Variants in ANK3 observed in about 807,000 individuals in gnomAD.
The protein encoded by ANK3 is ankyrin-3.
ANK3 carries 57 observed loss-of-function variants against 370.9 expected under a neutral mutation model. The ratio of observed to expected loss-of-function variants is 0.15; its 90% confidence interval spans 0.12 to 0.19. ANK3 has a LOEUF of 0.19. Among genes scored for constraint, ANK3 ranks in the 10% least tolerant of loss-of-function variants. ANK3 has a pLI of 1.00. For synonymous variants in ANK3, 1,929 were observed against 1,946.3 expected, an observed-to-expected ratio of 0.99 and a Z score of 0.23; for missense variants, 4,439 against 5,302.1, an observed-to-expected ratio of 0.84 and a Z score of 5.06.
intron 21 of ANK3, among the ~76,000 whole-genome samples, chr10:60,168,202 T>C (rs536323839): frequency 6.6e-6 from 1 of 152,236 alleles, no homozygotes; most frequent in African/African-American, 2.4e-5. Context: ...ATTTTTGTAT[T>C]TTTAGTAGAG....
intron 2 of ANK3, among the ~76,000 whole-genome samples, chr10:60,508,949 T>C (rs1595171654): frequency 6.6e-6 from 1 of 152,178 alleles, no homozygotes; most frequent in Non-Finnish European, 1.5e-5. Context: ...CTTAAGATCT[T>C]GAGGATGTTT....
intron 1 of ANK3, among the ~76,000 whole-genome samples, chr10:60,336,676 C>A (rs2053032891): frequency 1.3e-5 from 2 of 152,026 alleles, no homozygotes; most frequent in South Asian, 4.1e-4. Flanking sequence ...CAGTGGTTTA[C>A]TAAAAAAAGA....
intron 2 of ANK3, among the ~76,000 whole-genome samples, chr10:60,577,530 C>T (rs369609981): frequency 2.2e-4 from 33 of 152,120 alleles, no homozygotes; most frequent in African/African-American, 7.2e-4. Context: ...GTTTTATAAA[C>T]GGGAGTTTCC....
intron 2 of ANK3, among the ~76,000 whole-genome samples, chr10:60,566,544 C>G (rs993099955): frequency 1.3e-5 from 2 of 152,148 alleles, no homozygotes; most frequent in Non-Finnish European, 1.5e-5. Context: ...CTTATTGCTG[C>G]TAGGGAGAAG....
At chr10:60,205,110 T>G (rs2096741508) in intron 11 of ANK3, among the ~76,000 whole-genome samples, 1 of 152,158 alleles carries the variant, frequency 6.6e-6, no homozygotes, top group Non-Finnish European at 1.5e-5. Context: ...CAGGCTTGGT[T>G]TGCTTTGTAG....
At chr10:60,161,319 T>A (rs1413240629) in intron 23 of ANK3, among the ~76,000 whole-genome samples, 3 of 151,854 alleles carry the variant, frequency 2.0e-5, no homozygotes, top group Non-Finnish European at 4.4e-5. Context: ...TAGAGAAGAG[T>A]ATGGAGGTTC....
intron 2 of ANK3, among the ~76,000 whole-genome samples, chr10:60,486,451 G>A (rs768464866): frequency 7.2e-5 from 11 of 152,252 alleles, no homozygotes; most frequent in East Asian, 1.9e-4. Context: ...TGTGGTGTGC[G>A]CACCTGTAGT....
intron 7 of ANK3, among the ~76,000 whole-genome samples, chr10:60,247,261 C>A (rs2097570329): frequency 1.3e-5 from 2 of 152,132 alleles, no homozygotes; most frequent in Admixed American, 6.5e-5. Context: ...TTGTGATACA[C>A]CCACTTTGGC....
chr10:60,481,330 G>A (rs891408920), intron 2 of ANK3, among the ~76,000 whole-genome samples: 1 of 152,146 alleles, frequency 6.6e-6, no homozygotes, highest in African/African-American at 2.4e-5. Flanking sequence ...TTTTCAAAGT[G>A]ATTTCACTGT....
At chr10:60,663,276 G>T (rs2078957588) in intron 1 of ANK3, among the ~76,000 whole-genome samples, 1 of 152,158 alleles carries the variant, frequency 6.6e-6, no homozygotes, top group Non-Finnish European at 1.5e-5. Flanking sequence ...TTATACAGTG[G>T]TCATAGGGAG....
chr10:60,140,862 G>C, intron 23 of ANK3: 1 of 988,364 alleles, frequency 1.0e-6, no homozygotes, highest in Non-Finnish European at 1.2e-6. Context: ...GGGAGAGAGC[G>C]AAGTGCTACA....
chr10:60,124,632 G>A (rs942891040), intron 25 of ANK3, among the ~76,000 whole-genome samples: 11 of 152,184 alleles, frequency 7.2e-5, no homozygotes, highest in African/African-American at 2.7e-4. Context: ...TGGTGTTTTT[G>A]CTTTGCAAAA....
rs114320746 is a variant in ANK3 at position 60,574,293 on chromosome 10, C to T, written c.96+40893G>A. On this transcript the variant is annotated intron_variant, in intron 2 of 43. Transcript: ENST00000373827. ...GCCAAGCATAGGGATTCAAGTGACA[C>T]GCTCAGAGAGCCACGTGGATTTTAC... 4.6e-3 allele frequency among the ~76,000 whole-genome samples: 693 copies of T among 152,250 alleles called. 4 individuals are homozygous for T. Among genetic ancestry groups the T allele is most frequent in the African/African-American group, 0.013 (522 of 41,538 alleles).
rs180745210 is a variant in ANK3 at position 60,400,104 on chromosome 10, C to G, written c.97-120465G>C. On this transcript the variant is annotated intron_variant, in intron 2 of 43. Transcript: ENST00000373827. ...AGATTTGGCTAAAGTCTGTACTACACCAGTGATAACAGTGGGATTTGCTAA... is the reference window on the plus strand; with the variant it reads ...AGATTTGGCTAAAGTCTGTACTACAGCAGTGATAACAGTGGGATTTGCTAA... 5.9e-5 allele frequency among the ~76,000 whole-genome samples: 9 copies of G among 151,316 alleles called. No individual in the cohort carries two copies. The South Asian group carries it at 6.3e-4, about 11-fold the overall frequency.
chr10:60,731,493 C>G (rs897313450), intron 1 of ANK3, among the ~76,000 whole-genome samples: 2 of 152,184 alleles, frequency 1.3e-5, no homozygotes, highest in Non-Finnish European at 2.9e-5. Context: ...AATCTAACTA[C>G]AGTCCAAATT....
intron 1 of ANK3, among the ~76,000 whole-genome samples, chr10:60,302,203 A>G (rs1348477051): frequency 3.9e-5 from 6 of 152,208 alleles, no homozygotes; most frequent in African/African-American, 1.4e-4. Flanking sequence ...AGTGATAAAT[A>G]CTATGGGAAT....
rs2082794158 is a variant in ANK3, at chr10:60,072,006, G to A, written c.8875C>T (p.His2959Tyr). 8.1e-6 allele frequency: 13 copies of A among 1,613,988 alleles called. No individual in the cohort carries two copies. The highest frequency in any genetic ancestry group is 1.7e-5 in the Admixed American group (1 of 59,994). ...TCATCAGCAACTCTGACGGGAATGT[G>A]TGACACTGCTGAGCTCTCGCTCCTC... ...SRRSESSAVS[H>Y]IPVRVADERR... Residue 2959 changes from histidine (H) to tyrosine (Y), a missense_variant, in exon 37 of 44, where the codon CAC becomes TAC. Physicochemically the swap from His to Tyr is moderately conservative, Grantham distance 83. Transcript: ENST00000280772.
rs748500313 is a variant in ANK3 at position 60,070,904 on chromosome 10, G to C, written c.9977C>G (p.Pro3326Arg). 9 of 1,614,090 alleles carry C rather than the reference G, an allele frequency of 5.6e-6. No individual in the cohort carries two copies. In the East Asian group the frequency reaches 2.0e-4, roughly 36 times the overall value. The part of the protein sequence containing the change: ...DSSDDESIYQ[P>R]VPVKKYTFKL... ...GAAGGTATATTTTTTAACTGGGACTGGCTGATAAATAGATTCGTCATCGCT... is the reference window on the plus strand; with the variant it reads ...GAAGGTATATTTTTTAACTGGGACTCGCTGATAAATAGATTCGTCATCGCT... The change falls in exon 37 of 44, where the codon CCA becomes CGA. Residue 3326 changes from proline to arginine, a missense_variant. Physicochemically the swap from Pro to Arg is moderately radical, Grantham distance 103. Transcript: ENST00000280772. This position sits in a 1 kb window ranked among gnomAD's most constrained non-coding sequence, Gnocchi z 5.7.
intron 25 of ANK3, among the ~76,000 whole-genome samples, chr10:60,120,256 C>G (rs992188119): frequency 3.9e-5 from 6 of 151,972 alleles, no homozygotes; most frequent in Non-Finnish European, 8.8e-5. Context: ...AATCAGATAG[C>G]CATATGCAAA....
Sources: allele counts gnomAD v4.1 joint callset (sites outside exome capture counted in the v4.1 genomes callset), GRCh38; gene constraint gnomAD v4.1.1; non-coding constraint Gnocchi (gnomAD v3.1); transcripts MANE v1.5; gene names NCBI Gene and HGNC (gene_info 2026-07-23, HGNC 2026-07-21).